GAS7: variants seen among roughly 807,000 people sequenced by gnomAD.
The protein encoded by GAS7 is growth arrest-specific protein 7.
A neutral mutation model predicts 71.1 loss-of-function variants in GAS7; 28 were observed. The observed-to-expected ratio is 0.39, with a 90% CI of 0.29 to 0.54. GAS7 has a LOEUF of 0.54. Ranked by LOEUF, GAS7 falls within the 20% of genes least tolerant of loss-of-function variation. GAS7 has a pLI of 0.62. For missense variants in GAS7, 436 were observed against 627.8 expected, an observed-to-expected ratio of 0.69 and a Z score of 3.27; for synonymous variants, 258 against 245.8, an observed-to-expected ratio of 1.05 and a Z score of -0.46.
intron 1 of GAS7, among the ~76,000 whole-genome samples, chr17:10,144,401 G>A (rs1249168331): frequency 6.6e-6 from 1 of 152,186 alleles, no homozygotes; most frequent in Non-Finnish European, 1.5e-5. Context: ...CAGGCCCCAA[G>A]AGGCATTTTT....
intron 4 of GAS7, among the ~76,000 whole-genome samples, chr17:9,966,755 A>G (rs1335968699): frequency 6.6e-6 from 1 of 152,174 alleles, no homozygotes; most frequent in Non-Finnish European, 1.5e-5. Context: ...GCTACTCCAG[A>G]GGCTGAGGCG....
intron 1 of GAS7, among the ~76,000 whole-genome samples, chr17:10,097,644 G>A (rs1489930794): frequency 6.6e-6 from 1 of 152,092 alleles, no homozygotes; most frequent in Non-Finnish European, 1.5e-5. Context: ...TAACCCATGT[G>A]GGCTCTGTGC....
chr17:10,002,671 T>C (rs2071313793), intron 2 of GAS7, among the ~76,000 whole-genome samples: 1 of 152,212 alleles, frequency 6.6e-6, no homozygotes, highest in African/African-American at 2.4e-5. Context: ...TTTGGTTTTC[T>C]GTCCTTGCGA....
intron 1 of GAS7, among the ~76,000 whole-genome samples, chr17:10,069,645 C>A (rs566725211): frequency 2.0e-5 from 3 of 152,166 alleles, no homozygotes; most frequent in Non-Finnish European, 2.9e-5. Context: ...ACCCCACAGC[C>A]GGAGACCCTG....
chr17:10,128,647 TGAGATA>T (rs2073971361), intron 1 of GAS7, among the ~76,000 whole-genome samples: 1 of 150,806 alleles, frequency 6.6e-6, no homozygotes, highest in Non-Finnish European at 1.5e-5. Context: ...TTTTTTTTTT[TGAGATA>T]GAGTCACCCA....
At position 10,053,256 on chromosome 17, in the gene GAS7, G is replaced by A. The variant is rs773344047; in HGVS notation, c.184-33359C>T. Among the ~76,000 whole-genome samples, 104 of 152,262 alleles carry A rather than the reference G, an allele frequency of 6.8e-4. 1 individual carries two copies. Among genetic ancestry groups the A allele is most frequent in the Non-Finnish European group, 1.2e-3 (84 of 68,022 alleles). On this transcript the variant is annotated intron_variant, in intron 1 of 13. Coordinates refer to ENST00000432992, the MANE Select transcript of GAS7 (RefSeq NM_201433.2). Reference sequence around the variant, plus strand: ...GGGAAAAGATCAACAACGGCTTCGCGAGCCTGGGGCCCTCCAAGTAAATAC... The same window carrying A: ...GGGAAAAGATCAACAACGGCTTCGCAAGCCTGGGGCCCTCCAAGTAAATAC...
intron 2 of GAS7, among the ~76,000 whole-genome samples, chr17:9,990,475 G>A (rs7217140): frequency 0.01 from 1,570 of 152,238 alleles, 27 homozygotes; most frequent in African/African-American, 0.036. Context: ...TAGTCTCAGG[G>A]ACCACCCAGG....
chr17:10,190,487 G>A (rs1233051066), intron 1 of GAS7, among the ~76,000 whole-genome samples: 5 of 151,746 alleles, frequency 3.3e-5, no homozygotes, highest in Non-Finnish European at 7.4e-5. Flanking sequence ...GGCTGAGGCA[G>A]GAGAATCGCT....
chr17:10,183,823 CAG>C (rs2074433879), intron 1 of GAS7, among the ~76,000 whole-genome samples: 2 of 151,382 alleles, frequency 1.3e-5, no homozygotes, highest in African/African-American at 2.4e-5. Flanking sequence ...GCCTGGGCGA[CAG>C]AGCGAGACTC....
At chr17:10,022,068 G>A (rs2072291705) in intron 1 of GAS7, among the ~76,000 whole-genome samples, 1 of 152,080 alleles carries the variant, frequency 6.6e-6, no homozygotes, top group Non-Finnish European at 1.5e-5. Flanking sequence ...GACCAGCCTG[G>A]GCAACATAGG....
intron 4 of GAS7, among the ~76,000 whole-genome samples, chr17:9,961,020 C>G (rs2069468325): frequency 6.6e-6 from 1 of 152,168 alleles, no homozygotes; most frequent in African/African-American, 2.4e-5. Context: ...CCCAGCTGCA[C>G]TCTCAGCTGC....
At chr17:10,030,139 A>T (rs561047668) in intron 1 of GAS7, among the ~76,000 whole-genome samples, 4 of 152,308 alleles carry the variant, frequency 2.6e-5, no homozygotes, top group Non-Finnish European at 4.4e-5. Flanking sequence ...AACAGAGGGA[A>T]GGGGCCTTGG....
At chr17:10,184,347 C>A (rs1274981997) in intron 1 of GAS7, among the ~76,000 whole-genome samples, 1 of 152,218 alleles carries the variant, frequency 6.6e-6, no homozygotes, top group Non-Finnish European at 1.5e-5. Flanking sequence ...CAAACAGGAA[C>A]ACCAGCCACC....
In GAS7 at chr17:9,912,099, T is replaced by G. The variant is rs527346223; in HGVS notation, c.*5129A>C. The G allele has an allele frequency of 6.5e-5, 15 of 231,956 alleles. No homozygotes were observed. In the South Asian group the frequency reaches 1.5e-3, roughly 22 times the overall value. 14.4% of individuals were successfully genotyped at this position (231,956 alleles called of 1,614,324 possible). A position where few individuals can be genotyped will look rare whatever the true frequency, so the allele number is the denominator to read the frequency against. ...GAACATACTATCAAAGATCGACGAA[T>G]GAGATCCAAACGGTCATTACTTGCA... is the stretch of plus-strand genomic sequence containing the variant. On this transcript the variant is annotated 3_prime_UTR_variant, in exon 14 of 14. Coordinates refer to ENST00000432992, the MANE Select transcript of GAS7 (RefSeq NM_201433.2).
chr17:10,087,122 G>A (rs1458476913), intron 1 of GAS7, among the ~76,000 whole-genome samples: 1 of 152,216 alleles, frequency 6.6e-6, no homozygotes, highest in Non-Finnish European at 1.5e-5. Flanking sequence ...TGTGCATGGA[G>A]AAGACCCCAA....
intron 11 of GAS7, chr17:9,924,854 G>A (rs2067938846): frequency 6.6e-6 from 1 of 152,268 alleles, no homozygotes; most frequent in East Asian, 1.9e-4. Flanking sequence ...TAGTTACCGA[G>A]GTTTTCACTG....
At chr17:10,072,392 G>C (rs2152247396) in intron 1 of GAS7, among the ~76,000 whole-genome samples, 1 of 152,240 alleles carries the variant, frequency 6.6e-6, no homozygotes, top group Admixed American at 6.5e-5. Context: ...TTCACTGGAG[G>C]GGATGAGGAG....
rs540541834 is a variant in GAS7, at chr17:10,064,863, C to G, written c.184-44966G>C. 9.2e-5 allele frequency among the ~76,000 whole-genome samples: 14 copies of G among 152,328 alleles called. No individual in the cohort carries two copies. The South Asian group carries it at 2.5e-3, about 27-fold the overall frequency. On this transcript the variant is annotated intron_variant, in intron 1 of 13. Coordinates refer to ENST00000432992, the MANE Select transcript of GAS7 (RefSeq NM_201433.2). The stretch of plus-strand genomic sequence containing the variant: ...GGATTTCTTTTCACTGGATCTCGCT[C>G]TGTCCCCAGGCTGAAGTACAGTGGT...
intron 1 of GAS7, among the ~76,000 whole-genome samples, chr17:10,128,128 C>T (rs2073965373): frequency 2.6e-5 from 4 of 152,228 alleles, no homozygotes; most frequent in East Asian, 1.9e-4. Context: ...GGAGGCCATG[C>T]GTACATCCTC....
Sources: allele counts gnomAD v4.1 joint callset (sites outside exome capture counted in the v4.1 genomes callset), GRCh38; gene constraint gnomAD v4.1.1; transcripts MANE v1.5; gene names NCBI Gene and HGNC (gene_info 2026-07-23, HGNC 2026-07-21).